ITGA6: variants seen among roughly 807,000 people sequenced by gnomAD.
ITGA6 encodes integrin alpha-6.
A neutral mutation model predicts 133.6 loss-of-function variants in ITGA6; 63 were observed. The observed-to-expected ratio is 0.47, with a 90% confidence interval of 0.38 to 0.58. The LOEUF is 0.58. ITGA6 is among the 20% of genes least tolerant of loss of function. ITGA6 has a pLI of 0.00. For missense variants in ITGA6, 1,068 were observed against 1,309.4 expected, an observed-to-expected ratio of 0.82 and a Z score of 2.85; for synonymous variants, 434 against 482.0, an observed-to-expected ratio of 0.90 and a Z score of 1.30.
rs902047827 is a variant in ITGA6, at chr2:172,497,989, G to T, written c.3003G>T (p.Val1001=). Residue 1001 remains valine (V), a synonymous_variant, in exon 24 of 26, where the codon GTG becomes GTT. Transcript: ENST00000684293. Reference sequence around the variant, plus strand: ...CTGCCCTGTAGGTTCGAGTGACTGTGTTTCCCTCAAAGACTGTAGCTCAGT... The same window carrying T: ...CTGCCCTGTAGGTTCGAGTGACTGTTTTTCCCTCAAAGACTGTAGCTCAGT... ...PNAGTQVRVT[V]FPSKTVAQYS... is the part of the protein sequence containing the mutation. The T allele has an allele frequency of 6.2e-7, 1 of 1,613,798 alleles. No individual in the cohort carries two copies.
At chr2:172,477,082 G>A (rs1033492449) in intron 9 of ITGA6, among the ~76,000 whole-genome samples, 13 of 151,588 alleles carry the variant, frequency 8.6e-5, no homozygotes, top group African/African-American at 3.2e-4. Flanking sequence ...TGCTCTCACT[G>A]GATGGTTACG....
intron 1 of ITGA6, among the ~76,000 whole-genome samples, chr2:172,449,778 C>T (rs571868733): frequency 2.0e-5 from 3 of 152,000 alleles, no homozygotes; most frequent in South Asian, 4.2e-4. Context: ...AAAATTAGCC[C>T]GGCATGGTGG....
intron 24 of ITGA6, 103 bp from the exon 25 acceptor site, chr2:172,501,669 A>C: frequency 8.6e-7 from 1 of 1,168,126 alleles, no homozygotes; most frequent in Non-Finnish European, 1.3e-6. Flanking sequence ...GTCTGTTTGT[A>C]AACAAGCCAC....
chr2:172,491,122 TGTAA>T lies in ITGA6; in HGVS notation c.2778+4_2778+7del. The T allele has an allele frequency of 1.3e-6, 2 of 1,486,670 alleles. No homozygotes were observed. The highest frequency in any genetic ancestry group is 9.4e-7 in the Non-Finnish European group (1 of 1,063,828). The allele number at this position is 1,486,670 out of a possible 1,614,324, so 92.1% of individuals were successfully genotyped here. A position where few individuals can be genotyped will look rare whatever the true frequency, so the allele number is the denominator to read the frequency against. ...TTGCTGAAAGAAAATACCAGACTCTTGTAAGTATTTTTCAAGAGCTGTGAATATT... is the reference window on the plus strand; with the variant it reads ...TTGCTGAAAGAAAATACCAGACTCTTGTATTTTTCAAGAGCTGTGAATATT... On this transcript the variant is annotated splice_donor_variant and splice_donor_region_variant and intron_variant, in intron 21 of 25. Coordinates refer to ENST00000684293, the MANE Select transcript of ITGA6 (RefSeq NM_000210.4). LOFTEE classifies it high-confidence loss of function. The surrounding 1 kb of genome is among the most constrained non-coding windows in gnomAD (Gnocchi z 4.4).
intron 11 of ITGA6, among the ~76,000 whole-genome samples, chr2:172,482,864 T>TTG (rs1471526200): frequency 7.0e-6 from 1 of 143,140 alleles, no homozygotes; most frequent in African/African-American, 2.9e-5. Context: ...GAATGTCACA[T>TTG]CGTGTGTGTG....
Position 172,498,102 on chromosome 2 carries a change from T to C in ITGA6, c.3114+2T>C. The stretch of plus-strand genomic sequence containing the variant: ...TTATTAGTGTTTATACTATGGAAGG[T>C]AAGTCATATCTGGCATTTGAATTTC... On this transcript the variant is annotated splice_donor_variant, in intron 24 of 25. Coordinates refer to ENST00000684293, the MANE Select transcript of ITGA6 (RefSeq NM_000210.4). LOFTEE classifies it high-confidence loss of function. 6.2e-7 allele frequency: 1 copy of C among 1,613,450 alleles called. No individual in the cohort carries two copies. The highest frequency in any genetic ancestry group is 8.5e-7 in the Non-Finnish European group (1 of 1,179,438).
intron 1 of ITGA6, among the ~76,000 whole-genome samples, chr2:172,442,378 CT>C (rs1684581834): frequency 6.6e-6 from 1 of 152,172 alleles, no homozygotes; most frequent in Non-Finnish European, 1.5e-5. Context: ...TGCTTTCAGT[CT>C]GAATATTGGG....
intron 24 of ITGA6, 126 bp downstream of exon 24, chr2:172,498,226 T>C: frequency 1.0e-6 from 1 of 981,900 alleles, no homozygotes; most frequent in East Asian, 2.6e-5. Context: ...TGAAACTCTT[T>C]TGACATAGCA....
chr2:172,473,415 T>C (rs2149046735), intron 5 of ITGA6, among the ~76,000 whole-genome samples: 1 of 152,344 alleles, frequency 6.6e-6, no homozygotes, highest in South Asian at 2.1e-4. Flanking sequence ...AAATACCATG[T>C]ATCATCAGTC....
chr2:172,484,434 G>A (rs546088365), intron 11 of ITGA6, among the ~76,000 whole-genome samples: 1 of 151,742 alleles, frequency 6.6e-6, no homozygotes, highest in South Asian at 2.1e-4. Flanking sequence ...GGTGCTCGGG[G>A]GAGTGTTGGG....
chr2:172,457,654 C>T (rs374871361), intron 1 of ITGA6, among the ~76,000 whole-genome samples: 20 of 151,994 alleles, frequency 1.3e-4, no homozygotes, highest in East Asian at 1.9e-4. Flanking sequence ...TGTTTTTCCC[C>T]GTTATATTCA....
rs1686937617 is a variant in ITGA6, at chr2:172,491,726, C to G, written c.2988+203C>G. On this transcript the variant is annotated intron_variant, in intron 23 of 25. Transcript: ENST00000684293. The surrounding 1 kb of genome is among the most constrained non-coding windows in gnomAD (Gnocchi z 4.4). ...GAAGTAAATCTAGGGTCATCCAGTT[C>G]AGCAGTGCCCATGGTAGGTTTGAGA... 1.3e-5 allele frequency among the ~76,000 whole-genome samples: 2 copies of G among 152,144 alleles called. No individual in the cohort carries two copies. Among genetic ancestry groups the G allele is most frequent in the Non-Finnish European group, 2.9e-5 (2 of 68,034 alleles).
chr2:172,456,759 T>C (rs1685225372), intron 1 of ITGA6, among the ~76,000 whole-genome samples: 1 of 152,236 alleles, frequency 6.6e-6, no homozygotes, highest in African/African-American at 2.4e-5. Flanking sequence ...GGGTCTAGAA[T>C]AGGTGTTTTC....
chr2:172,435,166 T>C (rs1188268760), intron 1 of ITGA6, among the ~76,000 whole-genome samples: 1 of 152,128 alleles, frequency 6.6e-6, no homozygotes, highest in Non-Finnish European at 1.5e-5. Context: ...TCAGGAGCCC[T>C]TCTCTTCAGG....
At chr2:172,457,679 C>G (rs1232088922) in intron 1 of ITGA6, among the ~76,000 whole-genome samples, 5 of 152,076 alleles carry the variant, frequency 3.3e-5, no homozygotes, top group Admixed American at 3.3e-4. Context: ...TTTAGGCATA[C>G]ATAGTATGTG....
intron 13 of ITGA6, among the ~76,000 whole-genome samples, chr2:172,486,187 A>AC (rs1242312286): frequency 1.2e-3 from 175 of 151,188 alleles, no homozygotes; most frequent in African/African-American, 4.1e-3. Flanking sequence ...AAAAAAAAAA[A>AC]AAAAAAAAAA....
chr2:172,439,365 T>TA (rs1411019634), intron 1 of ITGA6, among the ~76,000 whole-genome samples: 69 of 152,016 alleles, frequency 4.5e-4, no homozygotes, highest in African/African-American at 1.6e-3. Flanking sequence ...GGTTCTAAAA[T>TA]ACTGTCGTTT....
rs975385609 is a variant in ITGA6 at position 172,469,392 on chromosome 2, G to A, written c.643+12G>A. On this transcript the variant is annotated intron_variant, in intron 4 of 25. Transcript: ENST00000684293. ...TTATAACTGGAAAGGTATGACCTTT[G>A]TATTTATAGAAATAGAGATTAGTTC... 1.9e-6 allele frequency: 3 copies of A among 1,611,048 alleles called. No individual in the cohort carries two copies. The highest frequency in any genetic ancestry group is 2.5e-6 in the Non-Finnish European group (3 of 1,177,444).
chr2:172,445,728 G>A (rs930886186), intron 1 of ITGA6, among the ~76,000 whole-genome samples: 3 of 151,498 alleles, frequency 2.0e-5, no homozygotes, highest in African/African-American at 7.3e-5. Context: ...TTGTCTTCCC[G>A]GCCTCTAAAA....
Sources: allele counts gnomAD v4.1 joint callset (sites outside exome capture counted in the v4.1 genomes callset), GRCh38; gene constraint gnomAD v4.1.1; non-coding constraint Gnocchi (gnomAD v3.1); transcripts MANE v1.5; gene names NCBI Gene and HGNC (gene_info 2026-07-23, HGNC 2026-07-21).